KIF21A: variants seen among roughly 807,000 people sequenced by gnomAD.
The protein encoded by KIF21A is kinesin-like protein KIF21A.
KIF21A carries 114 observed loss-of-function variants against 202.9 expected under a neutral mutation model. That is an observed-to-expected ratio of 0.56 (90% confidence interval 0.48 to 0.66). The LOEUF is 0.66. Among genes scored for constraint, KIF21A ranks in the 30% least tolerant of loss-of-function variants. KIF21A has a pLI of 0.00. For missense variants in KIF21A, 1,677 were observed against 1,994.9 expected (o/e 0.84, Z 3.04); for synonymous variants, 667 against 670.8 (o/e 0.99, Z 0.09).
intron 31 of KIF21A, 73 bp from the exon 32 acceptor site, chr12:39,311,626 G>GT: frequency 2.0e-6 from 3 of 1,531,492 alleles, no homozygotes; most frequent in Admixed American, 3.4e-5. Flanking sequence ...GACTAGTTTT[G>GT]TTTTTTTCCC....
At position 39,331,771 on chromosome 12, in the gene KIF21A, A is replaced by T. The variant is rs113796726; in HGVS notation, c.3072T>A (p.Asp1024Glu). The change falls in exon 22 of 38, where the codon GAT becomes GAA. Residue 1024 changes from aspartate to glutamate, a missense_variant. Physicochemically the swap from Asp to Glu is conservative, Grantham distance 45. Transcript: ENST00000361418. ...EEAKEEGETL[D>E]VTAVINACTL... is the part of the protein sequence containing the mutation. ...TGCAGGCATTAATGACTGCAGTAAC[A>T]TCCAATGTCTCACCTTCTTCCTGTA... The T allele has an allele frequency of 6.2e-7, 1 of 1,612,530 alleles. No homozygotes were observed. The highest frequency in any genetic ancestry group is 1.7e-5 in the Admixed American group (1 of 60,020).
intron 1 of KIF21A, among the ~76,000 whole-genome samples, chr12:39,433,083 A>G (rs1219597768): frequency 6.6e-6 from 1 of 152,194 alleles, no homozygotes; most frequent in African/African-American, 2.4e-5. Context: ...ATTATGATTG[A>G]TTGTTTTTCT....
rs151009878 is a variant in KIF21A at position 39,376,724 on chromosome 12, C to T, written c.45-6463G>A. ...ACATCACTCAATCCAATGATGCAAACGATCAAACTTAAATTTTTAAATGCA... is the reference window on the plus strand; with the variant it reads ...ACATCACTCAATCCAATGATGCAAATGATCAAACTTAAATTTTTAAATGCA... On this transcript the variant is annotated intron_variant, in intron 1 of 37. Transcript: ENST00000361418. Among the ~76,000 whole-genome samples the T allele has an allele frequency of 4.8e-3, 729 of 152,214 alleles. 20 individuals are homozygous for T. Among genetic ancestry groups the T allele is most frequent in the Non-Finnish European group, 1.1e-3 (78 of 67,986 alleles).
In KIF21A at chr12:39,366,441, T is replaced by C. The variant is rs1330960891; in HGVS notation, c.812A>G (p.His271Arg). Reference sequence around the variant, plus strand: ...TTCAGATCCTGCGAGATCAACAAAATGGAACTTTGCAGTCAGGGTTTCAAA... The same window carrying C: ...TTCAGATCCTGCGAGATCAACAAAACGGAACTTTGCAGTCAGGGTTTCAAA... Reference protein sequence around the residue: ...NEFETLTAKFHFVDLAGSERL... With the variant: ...NEFETLTAKFRFVDLAGSERL... The change falls in exon 6 of 38, where the codon CAT (histidine) becomes CGT (arginine). Residue 271 changes from histidine (H) to arginine (R), a missense_variant. By Grantham distance (29) the His-to-Arg change is conservative. Coordinates refer to ENST00000361418, the MANE Select transcript of KIF21A (RefSeq NM_001173464.2). 1.9e-6 allele frequency: 3 copies of C among 1,613,884 alleles called. No individual in the cohort carries two copies. Among genetic ancestry groups the C allele is most frequent in the Non-Finnish European group, 2.5e-6 (3 of 1,179,882 alleles).
chr12:39,327,066 C>T (rs577928692), intron 24 of KIF21A, among the ~76,000 whole-genome samples: 192 of 150,680 alleles, frequency 1.3e-3, no homozygotes, highest in African/African-American at 4.4e-3. Flanking sequence ...AAAATGCCAG[C>T]GAGCCCCTAA....
At chr12:39,422,982 C>T (rs769204734) in intron 1 of KIF21A, among the ~76,000 whole-genome samples, 1 of 152,184 alleles carries the variant, frequency 6.6e-6, no homozygotes, top group Non-Finnish European at 1.5e-5. Context: ...TTCTCAATTT[C>T]CTCATTCATA....
In KIF21A at chr12:39,303,045, T is replaced by C. The variant is rs1413375205; in HGVS notation, c.4651A>G (p.Ile1551Val). Residue 1551 changes from isoleucine (I) to valine (V), a missense_variant, in exon 36 of 38, where the codon ATT becomes GTT. This residue lies in a region of KIF21A where 705 missense variants were observed against 791.9 expected (regional missense o/e 0.89). Coordinates refer to ENST00000361418, the MANE Select transcript of KIF21A (RefSeq NM_001173464.2). ...PHYDGIEALT[I>V]QGDNLFSGSR... ...CCACTAAATAGGTTATCCCCTTGAA[T>C]GGTTAGTGCTTCTATGCCATCATAA... The C allele has an allele frequency of 3.5e-5, 57 of 1,613,846 alleles. No individual in the cohort carries two copies. Among genetic ancestry groups the C allele is most frequent in the Non-Finnish European group, 4.2e-5 (50 of 1,179,860 alleles).
At chr12:39,397,718 T>C (rs1951865281) in intron 1 of KIF21A, among the ~76,000 whole-genome samples, 1 of 152,144 alleles carries the variant, frequency 6.6e-6, no homozygotes, top group Admixed American at 6.5e-5. Context: ...GGCCCTGGGA[T>C]CTATATCTTC....
chr12:39,429,904 C>T (rs1490120466), intron 1 of KIF21A, among the ~76,000 whole-genome samples: 2 of 152,122 alleles, frequency 1.3e-5, no homozygotes, highest in South Asian at 2.1e-4. Context: ...AATCTAACAT[C>T]TCACAAACAA....
intron 26 of KIF21A, among the ~76,000 whole-genome samples, chr12:39,324,324 C>A (rs181988927): frequency 7.2e-5 from 11 of 152,130 alleles, no homozygotes; most frequent in Non-Finnish European, 1.0e-4. Flanking sequence ...GACCTTTAGG[C>A]CACCACTTCA....
rs1199262074 is a variant in KIF21A, at chr12:39,351,763, T to C, written c.1673+14A>G. On this transcript the variant is annotated intron_variant, in intron 11 of 37. Transcript: ENST00000361418. ...GAAATAGAGATTCATTTAGTGGTGA[T>C]TTTATAATCCCACCTTTTTTTCTTC... 1 of 1,473,876 alleles carries C rather than the reference T, an allele frequency of 6.8e-7. No individual in the cohort carries two copies. Among genetic ancestry groups the C allele is most frequent in the Admixed American group, 1.7e-5 (1 of 59,210 alleles). The allele number at this position is 1,473,876 out of a possible 1,614,324, so 91.3% of individuals were successfully genotyped here.
intron 24 of KIF21A, 42 bp downstream of exon 24, chr12:39,330,200 T>A: frequency 6.4e-7 from 1 of 1,566,396 alleles, no homozygotes; most frequent in East Asian, 2.2e-5. Flanking sequence ...CAATTAGTAA[T>A]TCATGCAGCT....
chr12:39,409,017 T>C (rs923721030), intron 1 of KIF21A, among the ~76,000 whole-genome samples: 2 of 151,730 alleles, frequency 1.3e-5, no homozygotes, highest in African/African-American at 4.8e-5. Context: ...TTTGTTGTTG[T>C]TGTTTTAAGG....
intron 37 of KIF21A, among the ~76,000 whole-genome samples, chr12:39,299,602 G>A (rs1162930561): frequency 1.3e-5 from 2 of 152,136 alleles, no homozygotes; most frequent in African/African-American, 4.8e-5. Flanking sequence ...TCATTACTGG[G>A]TGTATAGCAG....
chr12:39,307,010 C>A (rs1943536942), intron 34 of KIF21A, among the ~76,000 whole-genome samples: 1 of 152,114 alleles, frequency 6.6e-6, no homozygotes, highest in Admixed American at 6.5e-5. Context: ...GTTCACACTT[C>A]ATAGGAAATA....
chr12:39,393,330 T>C (rs541338663), intron 1 of KIF21A, among the ~76,000 whole-genome samples: 12 of 152,138 alleles, frequency 7.9e-5, no homozygotes, highest in Non-Finnish European at 1.5e-4. Context: ...GCTTCTGGAA[T>C]GAGTAGCAGA....
chr12:39,333,171 G>A, intron 18 of KIF21A, 41 bp downstream of exon 18: 1 of 1,606,814 alleles, frequency 6.2e-7, no homozygotes, highest in African/African-American at 1.3e-5. Flanking sequence ...TTATCTCAAA[G>A]TCAGAAGGTT....
intron 1 of KIF21A, among the ~76,000 whole-genome samples, chr12:39,426,824 C>T (rs1954797001): frequency 6.8e-6 from 1 of 147,434 alleles, no homozygotes; most frequent in Non-Finnish European, 1.5e-5. Context: ...GCACAGATTA[C>T]AGTGAGGTGA....
Position 39,442,716 on chromosome 12 carries a change from G to A in KIF21A, c.44+211C>T, listed in dbSNP as rs1371326531. On this transcript the variant is annotated intron_variant, in intron 1 of 37. Coordinates refer to ENST00000361418, the MANE Select transcript of KIF21A (RefSeq NM_001173464.2). The surrounding 1 kb of genome is among the most constrained non-coding windows in gnomAD (Gnocchi z 5.0). The stretch of plus-strand genomic sequence containing the variant: ...CCGCCAGCCACCTGCAAACACAGAC[G>A]GCGTGAGGGCGGCGCAGTCGCCCTG... Among the ~76,000 whole-genome samples the A allele has an allele frequency of 2.6e-5, 4 of 152,098 alleles. No homozygotes were observed. The highest frequency in any genetic ancestry group is 9.7e-5 in the African/African-American group (4 of 41,418).
Sources: gnomAD v4.1 joint callset for allele counts (sites outside exome capture counted in the v4.1 genomes callset) on GRCh38, gnomAD v4.1.1 for gene constraint, gnomAD v4.1.1 regional missense constraint, Gnocchi (gnomAD v3.1) non-coding constraint, MANE v1.5 for transcripts, NCBI Gene and HGNC (gene_info 2026-07-23, HGNC 2026-07-21) for gene names.